EYS: variants seen among roughly 807,000 people sequenced by gnomAD.
EYS encodes EGF-like photoreceptor maintenance factor, also known as protein eyes shut homolog.
Under a neutral mutation model 282.1 loss-of-function variants are expected in EYS, and 250 were observed. The ratio of observed to expected loss-of-function variants is 0.89; its 90% confidence interval spans 0.80 to 0.98. The LOEUF is 0.98. Ranked by LOEUF, EYS falls within the 50% of genes least tolerant of loss-of-function variation. EYS has a pLI of 0.00. For missense variants in EYS, 4,016 were observed against 3,709.0 expected (o/e 1.08, Z -2.15); for synonymous variants, 1,355 against 1,282.9 (o/e 1.06, Z -1.20).
chr6:64,183,222 A>G (rs1233649493), intron 31 of EYS, among the ~76,000 whole-genome samples: 1 of 152,112 alleles, frequency 6.6e-6, no homozygotes, highest in East Asian at 1.9e-4. Context: ...CTCCCCACAC[A>G]TGCGGAACTG....
rs577653715 is a variant in EYS, at chr6:64,068,167, G to A, written c.6572-1676C>T. ...TATCATTTGGTATGGTCACTTTGTA[G>A]ATTTTACCTATTCTGTTTATTATAG... On this transcript the variant is annotated intron_variant, in intron 32 of 42. Transcript: ENST00000503581. Among the ~76,000 whole-genome samples the A allele has an allele frequency of 1.8e-4, 28 of 152,178 alleles. 1 individual carries two copies. The South Asian group carries it at 4.6e-3, about 25-fold the overall frequency.
intron 19 of EYS, among the ~76,000 whole-genome samples, chr6:64,843,768 G>A (rs1765637077): frequency 6.6e-6 from 1 of 152,134 alleles, no homozygotes; most frequent in African/African-American, 2.4e-5. Flanking sequence ...TTGGGAGACT[G>A]TTGGGAAGGC....
At chr6:65,373,671 C>T (rs1346344164) in intron 8 of EYS, among the ~76,000 whole-genome samples, 1 of 151,986 alleles carries the variant, frequency 6.6e-6, no homozygotes, top group African/African-American at 2.4e-5. Flanking sequence ...TGATTAATAA[C>T]CTTCAAAAAC....
At chr6:64,679,994 G>A (rs139739357) in intron 22 of EYS, among the ~76,000 whole-genome samples, 6 of 151,870 alleles carry the variant, frequency 4.0e-5, no homozygotes, top group Admixed American at 2.6e-4. Flanking sequence ...TTTACATAGG[G>A]AAAATAAATT....
At chr6:64,179,692 A>C (rs1764735653) in intron 31 of EYS, among the ~76,000 whole-genome samples, 1 of 152,102 alleles carries the variant, frequency 6.6e-6, no homozygotes, top group Non-Finnish European at 1.5e-5. Context: ...CAGGGTGCTA[A>C]TTGTTATTAG....
intron 2 of EYS, among the ~76,000 whole-genome samples, chr6:65,511,322 T>G (rs1320206315): frequency 6.6e-6 from 1 of 151,674 alleles, no homozygotes; most frequent in Non-Finnish European, 1.5e-5. Context: ...CACTATTAAC[T>G]TCTTAATACA....
rs113430990 is a variant in EYS at position 64,381,018 on chromosome 6, GAAAAAA to G, written c.6078+7666_6078+7671del. On this transcript the variant is annotated intron_variant, in intron 29 of 42. Coordinates refer to ENST00000503581, the MANE Select transcript of EYS (RefSeq NM_001142800.2). Reference sequence around the variant, plus strand: ...GGTGACAGAGCAAGACTCCATCTCAGAAAAAAAAAAAAAAAAAGATTACAACACAGA... The same window carrying G: ...GGTGACAGAGCAAGACTCCATCTCAGAAAAAAAAAAAGATTACAACACAGA... Among the ~76,000 whole-genome samples, 8 of 73,124 alleles carry G rather than the reference GAAAAAA, an allele frequency of 1.1e-4. No homozygotes were observed. In the South Asian group the frequency reaches 3.1e-3, roughly 29 times the overall value. The allele number at this position is 73,124 out of a possible 152,430, so 48.0% of individuals were successfully genotyped here.
chr6:63,751,036 T>C (rs561281555), intron 41 of EYS, among the ~76,000 whole-genome samples: 1 of 152,332 alleles, frequency 6.6e-6, no homozygotes, highest in African/African-American at 2.4e-5. Context: ...AGCACATCTA[T>C]TTAATCACTT....
intron 2 of EYS, among the ~76,000 whole-genome samples, chr6:65,585,524 G>A (rs945916663): frequency 6.6e-6 from 1 of 151,812 alleles, no homozygotes; most frequent in Non-Finnish European, 1.5e-5. Context: ...TTCATGTAAA[G>A]AATTTGAAGT....
chr6:64,328,546 A>C (rs1157446986), intron 29 of EYS, among the ~76,000 whole-genome samples: 1 of 152,200 alleles, frequency 6.6e-6, no homozygotes, highest in African/African-American at 2.4e-5. Context: ...ACACCATTTG[A>C]CCCAGAGGCT....
At chr6:64,514,181 T>A (rs920339385) in intron 26 of EYS, among the ~76,000 whole-genome samples, 1 of 151,698 alleles carries the variant, frequency 6.6e-6, no homozygotes, top group African/African-American at 2.4e-5. Flanking sequence ...CAGGACATAA[T>A]TTATGTAATT....
chr6:63,936,409 A>G (rs1329491906), intron 35 of EYS, among the ~76,000 whole-genome samples: 1 of 152,184 alleles, frequency 6.6e-6, no homozygotes. Context: ...ATATTTCCCT[A>G]TAGCCTTTAC....
chr6:63,840,209 A>AGCT (rs748732292), intron 36 of EYS, among the ~76,000 whole-genome samples: 112 of 60,626 alleles, frequency 1.8e-3, no homozygotes, highest in African/African-American at 4.8e-3. Flanking sequence ...CACCATGCCC[A>AGCT]TCTTATTATT....
chr6:65,644,862 A>G (rs975501612), intron 1 of EYS, among the ~76,000 whole-genome samples: 4 of 152,154 alleles, frequency 2.6e-5, no homozygotes, highest in African/African-American at 9.7e-5. Context: ...GTCAAACAAA[A>G]GCTGTGAGAA....
intron 1 of EYS, among the ~76,000 whole-genome samples, chr6:65,648,435 C>G (rs1207894924): frequency 6.6e-6 from 1 of 151,622 alleles, no homozygotes; most frequent in Non-Finnish European, 1.5e-5. Context: ...GACTATTATT[C>G]TAAGTGAAGT....
chr6:65,432,502 T>C (rs1399291404), intron 5 of EYS, among the ~76,000 whole-genome samples: 1 of 152,076 alleles, frequency 6.6e-6, no homozygotes, highest in Admixed American at 6.6e-5. Flanking sequence ...GGGTATAGGG[T>C]TCATTTTTAA....
intron 18 of EYS, among the ~76,000 whole-genome samples, chr6:64,889,733 T>C (rs1767219322): frequency 1.3e-5 from 2 of 152,078 alleles, no homozygotes; most frequent in Non-Finnish European, 2.9e-5. Flanking sequence ...TTTAATCTTT[T>C]AATCCTGTCA....
chr6:65,608,512 C>T (rs1453260033), intron 2 of EYS, among the ~76,000 whole-genome samples: 1 of 151,918 alleles, frequency 6.6e-6, no homozygotes, highest in African/African-American at 2.4e-5. Flanking sequence ...AAACACTGTA[C>T]ACTTAGGCTA....
At position 65,495,341 on chromosome 6, in the gene EYS, A is replaced by G. The variant is rs772924320; in HGVS notation, c.70T>C (p.Cys24Arg). Residue 24 changes from cysteine (C) to arginine (R), a missense_variant, in exon 4 of 43, where the codon TGT (cysteine) becomes CGT (arginine). Cys to Arg is a radical substitution (Grantham distance 180). Transcript: ENST00000503581. Reference sequence around the variant, plus strand: ...CATTCTTCCACCAATTGCCGTCTACATGTTTTTCCATTTATGAAAGAGCTG... The same window carrying G: ...CATTCTTCCACCAATTGCCGTCTACGTGTTTTTCCATTTATGAAAGAGCTG... The part of the protein sequence containing the change: ...FHSSFINGKT[C>R]RRQLVEEWHP... 45 of 1,613,728 alleles carry G rather than the reference A, an allele frequency of 2.8e-5. No individual in the cohort carries two copies. Among genetic ancestry groups the G allele is most frequent in the African/African-American group, 4.0e-5 (3 of 74,932 alleles).
Sources: allele counts gnomAD v4.1 joint callset (sites outside exome capture counted in the v4.1 genomes callset), GRCh38; gene constraint gnomAD v4.1.1; transcripts MANE v1.5; gene names NCBI Gene and HGNC (gene_info 2026-07-23, HGNC 2026-07-21).